The following TMIGD3 variants were observed in gnomAD, a reference collection of about 807,000 sequenced individuals.
TMIGD3 encodes transmembrane and immunoglobulin domain containing 3.
In TMIGD3, 21 loss-of-function variants were observed where a neutral mutation model predicts 28.1. The observed-to-expected ratio is 0.75, with a 90% CI of 0.53 to 1.08. TMIGD3 has a LOEUF of 1.08. TMIGD3 is among the 50% of genes least tolerant of loss of function. The pLI is 0.00. For synonymous variants in TMIGD3, 151 were observed against 162.1 expected (o/e 0.93, Z 0.52); for missense variants, 416 against 435.6 (o/e 0.96, Z 0.40).
intron 1 of TMIGD3, among the ~76,000 whole-genome samples, chr1:111,526,752 GCGTAGTACATGTAACTAC>G (rs1656277447): frequency 6.6e-6 from 1 of 152,150 alleles, no homozygotes; most frequent in African/African-American, 2.4e-5. Context: ...TTTGACAAAT[GCGTAGTACATGTAACTAC>G]CGTTATAGAA....
chr1:111,490,279 A>G (rs1654593999), intron 2 of TMIGD3: 2 of 182,486 alleles, frequency 1.1e-5, no homozygotes, highest in Admixed American at 1.2e-4. Context: ...GAAAATACAG[A>G]GCTCTCGTTT....
intron 2 of TMIGD3, chr1:111,489,386 G>C (rs1268250644): frequency 1.5e-5 from 4 of 270,160 alleles, no homozygotes; most frequent in African/African-American, 8.9e-5. Flanking sequence ...TGAGGACACA[G>C]CCAGAAGGCA....
chr1:111,520,611 A>AT (rs1353776473), intron 1 of TMIGD3, among the ~76,000 whole-genome samples: 3 of 152,208 alleles, frequency 2.0e-5, no homozygotes, highest in Non-Finnish European at 4.4e-5. Context: ...GAAGCCATTC[A>AT]TTTTTCAAAT....
At chr1:111,530,650 G>T (rs951648925) in intron 1 of TMIGD3, among the ~76,000 whole-genome samples, 2 of 151,992 alleles carry the variant, frequency 1.3e-5, no homozygotes, top group African/African-American at 4.8e-5. Context: ...ACAGTCTTCT[G>T]GTTTACATTG....
At chr1:111,541,020 G>A (rs1180568180) in intron 1 of TMIGD3, among the ~76,000 whole-genome samples, 12 of 152,184 alleles carry the variant, frequency 7.9e-5, no homozygotes, top group Admixed American at 7.9e-4. Context: ...AAGCCACATA[G>A]TCTCTGCTGC....
At chr1:111,528,068 C>T (rs1011599107) in intron 1 of TMIGD3, among the ~76,000 whole-genome samples, 1 of 152,014 alleles carries the variant, frequency 6.6e-6, no homozygotes, top group African/African-American at 2.4e-5. Context: ...TATAAAAACG[C>T]ATCATCATAT....
intron 1 of TMIGD3, among the ~76,000 whole-genome samples, chr1:111,517,335 G>GAA (rs1406181324): frequency 7.2e-6 from 1 of 138,062 alleles, no homozygotes; most frequent in Non-Finnish European, 1.6e-5. Context: ...GTAGTCAATG[G>GAA]AAAAAAAAAA....
intron 1 of TMIGD3, among the ~76,000 whole-genome samples, chr1:111,533,439 C>T (rs1456510415): frequency 2.0e-5 from 3 of 152,178 alleles, no homozygotes; most frequent in East Asian, 3.8e-4. Flanking sequence ...TTAAAATATC[C>T]TTTCCCATCC....
At chr1:111,496,389 T>C (rs1413117513) in intron 1 of TMIGD3, among the ~76,000 whole-genome samples, 2 of 152,248 alleles carry the variant, frequency 1.3e-5, no homozygotes, top group Non-Finnish European at 1.5e-5. Flanking sequence ...AGCCTTTCCC[T>C]TTTTTCACTG....
chr1:111,500,320 A>C (rs1444430056), intron 1 of TMIGD3: 2 of 1,614,258 alleles, frequency 1.2e-6, no homozygotes, highest in Admixed American at 3.3e-5. Flanking sequence ...GTCAAGATAG[A>C]TGGCGCACAT....
intron 1 of TMIGD3, among the ~76,000 whole-genome samples, chr1:111,537,921 G>A (rs1358352294): frequency 1.3e-5 from 2 of 151,998 alleles, no homozygotes; most frequent in Admixed American, 6.6e-5. Context: ...TTTATTTAAG[G>A]GCATTTTCCT....
chr1:111,536,249 GA>G (rs1361422092), intron 1 of TMIGD3, among the ~76,000 whole-genome samples: 5 of 149,164 alleles, frequency 3.4e-5, no homozygotes, highest in Admixed American at 2.0e-4. Context: ...TTTTTAAGGA[GA>G]AAAAAAACAC....
intron 1 of TMIGD3, among the ~76,000 whole-genome samples, chr1:111,510,564 C>T (rs893199574): frequency 6.6e-6 from 1 of 151,840 alleles, no homozygotes; most frequent in Non-Finnish European, 1.5e-5. Flanking sequence ...GTGTCAGAGC[C>T]GATGTTCGGT....
At chr1:111,506,926 T>TAC (rs374864857), upstream of TMIGD3, among the ~76,000 whole-genome samples, 2,091 of 134,832 alleles carry the variant, frequency 0.016, 59 homozygotes, top group African/African-American at 0.053. Flanking sequence ...TATATATATA[T>TAC]ACACACACAC....
intron 1 of TMIGD3, among the ~76,000 whole-genome samples, chr1:111,516,677 C>G (rs571352689): frequency 8.5e-5 from 13 of 152,240 alleles, no homozygotes; most frequent in Admixed American, 8.5e-4. Context: ...AGGCAGAAAG[C>G]CACAAAGCTG....
intron 1 of TMIGD3, among the ~76,000 whole-genome samples, chr1:111,514,643 A>AACACAC (rs113195244): frequency 0.17 from 24,939 of 148,860 alleles, 2,186 homozygotes; most frequent in East Asian, 0.41. Context: ...ACAGTATGGG[A>AACACAC]ACACACACAC....
At chr1:111,490,896 C>T (rs578171040) in intron 1 of TMIGD3, 134 bp from the exon 2 acceptor site, 4 of 645,664 alleles carry the variant, frequency 6.2e-6, no homozygotes, top group South Asian at 3.8e-5. Flanking sequence ...TGCACCATAC[C>T]ACATGCTCTT....
In TMIGD3 at chr1:111,485,833, T is replaced by A. The variant is rs1351063423; in HGVS notation, c.880A>T (p.Ile294Phe). 3 of 1,609,158 alleles carry A rather than the reference T, an allele frequency of 1.9e-6. No individual in the cohort carries two copies. The East Asian group carries it at 6.7e-5, about 36-fold the overall frequency. Residue 294 changes from isoleucine to phenylalanine, a missense_variant, in exon 5 of 6, where the codon ATT (isoleucine) becomes TTT (phenylalanine). By Grantham distance (21) the Ile-to-Phe change is conservative. Transcript: ENST00000369716. ...GTGATCAGTATGCAAATGATGAGAATGGACGTCCTAGAAGGAACCACAGCA... is the reference window on the plus strand; with the variant it reads ...GTGATCAGTATGCAAATGATGAGAAAGGACGTCCTAGAAGGAACCACAGCA... ...VRKADRSRTS[I>F]LIICILITGL...
intron 1 of TMIGD3, among the ~76,000 whole-genome samples, chr1:111,546,784 C>T (rs1657049052): frequency 6.6e-6 from 1 of 152,064 alleles, no homozygotes; most frequent in East Asian, 1.9e-4. Context: ...TAGATATATA[C>T]CCAGAAATAG....
Sources: gnomAD v4.1 joint callset for allele counts (sites outside exome capture counted in the v4.1 genomes callset) on GRCh38, gnomAD v4.1.1 for gene constraint, MANE v1.5 for transcripts, NCBI Gene and HGNC (gene_info 2026-07-23, HGNC 2026-07-21) for gene names.